The following HEATR5B variants were observed in gnomAD, a reference collection of about 807,000 sequenced individuals.
HEATR5B encodes HEAT repeat-containing protein 5B.
A neutral mutation model predicts 224.1 loss-of-function variants in HEATR5B; 156 were observed. That is an observed-to-expected ratio of 0.70 (90% CI 0.61 to 0.80). HEATR5B has a LOEUF of 0.80. Ranked by LOEUF, HEATR5B falls within the 30% of genes least tolerant of loss-of-function variation. The pLI, the probability that HEATR5B is intolerant of heterozygous loss-of-function variation, is 0.00. For synonymous variants in HEATR5B, 1,027 were observed against 893.0 expected, an observed-to-expected ratio of 1.15 and a Z score of -2.68; for missense variants, 2,323 against 2,535.5, an observed-to-expected ratio of 0.92 and a Z score of 1.80.
Position 37,020,850 on chromosome 2 carries a change from T to C in HEATR5B, c.3854-14A>G. 2 of 1,444,592 alleles carry C rather than the reference T, an allele frequency of 1.4e-6. No individual in the cohort carries two copies. Among genetic ancestry groups the C allele is most frequent in the Non-Finnish European group, 9.2e-7 (1 of 1,087,286 alleles). 89.5% of individuals were successfully genotyped at this position (1,444,592 alleles called of 1,614,324 possible). On this transcript the variant is annotated splice_polypyrimidine_tract_variant and intron_variant, in intron 24 of 35. Transcript: ENST00000233099. The stretch of plus-strand genomic sequence containing the variant: ...CCAAGAGGTCATCTAAAAATAAAAA[T>C]AGAATGCAAAAATGAAAACTTTTCC...
At position 37,005,677 on chromosome 2, in the gene HEATR5B, G is replaced by C. The variant is rs372593782; in HGVS notation, c.4860C>G (p.Thr1620=). 4 of 1,613,078 alleles carry C rather than the reference G, an allele frequency of 2.5e-6. No homozygotes were observed. The African/African-American group carries it at 5.3e-5, about 22-fold the overall frequency. The change falls in exon 30 of 36, where the codon ACC becomes ACG. Residue 1620 remains threonine, a synonymous_variant. Coordinates refer to ENST00000233099, the MANE Select transcript of HEATR5B (RefSeq NM_019024.3). ...HVTACLQALH[T]LLDSPYARVH... is the part of the protein sequence containing the mutation. ...CTCGAGCATAAGGGGAGTCTAGCAA[G>C]GTATGTAAGGCCTGCAGGCATGCTG... is the stretch of plus-strand genomic sequence containing the variant.
At chr2:37,070,599 A>G (rs1242445367) in intron 6 of HEATR5B, among the ~76,000 whole-genome samples, 1 of 152,222 alleles carries the variant, frequency 6.6e-6, no homozygotes, top group Non-Finnish European at 1.5e-5. Context: ...GCTAGAAATA[A>G]AAGCAATTCA....
In HEATR5B at chr2:37,064,894, G is replaced by C; in HGVS notation, c.1430C>G (p.Pro477Arg). The part of the protein sequence containing the change: ...WCLRCVAVAL[P>R]FQLTPFLDRC... ...GTCTAGAAATGGTGTCAGCTGGAAA[G>C]GTAATGCCACAGCCACACAGCGCAA... The change falls in exon 10 of 36, where the codon CCT (proline) becomes CGT (arginine). Residue 477 changes from proline (P) to arginine (R), a missense_variant. Transcript: ENST00000233099. The C allele has an allele frequency of 6.2e-7, 1 of 1,614,164 alleles. No individual in the cohort carries two copies. The highest frequency in any genetic ancestry group is 8.5e-7 in the Non-Finnish European group (1 of 1,180,032).
chr2:37,059,464 A>ATAT lies in HEATR5B; in HGVS notation c.1850-478_1850-477insATA, dbSNP rs1428386666. Among the ~76,000 whole-genome samples the ATAT allele has an allele frequency of 2.1e-3, 140 of 65,832 alleles. 16 individuals carry two copies. In the East Asian group the frequency reaches 0.027, roughly 13 times the overall value. 43.2% of individuals were successfully genotyped at this position (65,832 alleles called of 152,430 possible). ...TGTGTGTGTATATATATATATATAT[A>ATAT]TTTTTTTTTTTTTTTTTTTGAGAGA... On this transcript the variant is annotated intron_variant, in intron 12 of 35. Coordinates refer to ENST00000233099, the MANE Select transcript of HEATR5B (RefSeq NM_019024.3).
At chr2:36,985,104 T>A (rs568790638) in intron 35 of HEATR5B, among the ~76,000 whole-genome samples, 2 of 152,294 alleles carry the variant, frequency 1.3e-5, no homozygotes, top group East Asian at 1.9e-4. Context: ...GTAAATGGGA[T>A]GAAAAAAGTT....
At chr2:37,016,119 T>C (rs1668100854) in intron 26 of HEATR5B, among the ~76,000 whole-genome samples, 1 of 149,798 alleles carries the variant, frequency 6.7e-6, no homozygotes, top group Admixed American at 6.6e-5. Context: ...CTTTCTTTTT[T>C]TTTTTTTTTT....
At chr2:37,066,824 A>G (rs1671618175) in intron 8 of HEATR5B, among the ~76,000 whole-genome samples, 1 of 152,200 alleles carries the variant, frequency 6.6e-6, no homozygotes, top group Non-Finnish European at 1.5e-5. Flanking sequence ...ACTATAAAAT[A>G]CATAATACAG....
At position 37,003,545 on chromosome 2, in the gene HEATR5B, G is replaced by C. The variant is rs1338162602; in HGVS notation, c.5047C>G (p.Leu1683Val). ...TAGTGTAATTTCTAGTGCTTACTTA[G>C]AGTGTTTCTTTTCTCTTGCAAATAA... ...QDYLQEKRNT[L>V]NEDDMEKEAC... is the part of the protein sequence containing the mutation. Residue 1683 changes from leucine to valine, a missense_variant, in exon 31 of 36, where the codon CTA becomes GTA. Coordinates refer to ENST00000233099, the MANE Select transcript of HEATR5B (RefSeq NM_019024.3). The C allele has an allele frequency of 1.3e-6, 2 of 1,598,368 alleles. No individual in the cohort carries two copies. The highest frequency in any genetic ancestry group is 1.7e-6 in the Non-Finnish European group (2 of 1,171,238).
intron 35 of HEATR5B, among the ~76,000 whole-genome samples, chr2:36,983,380 A>C (rs1665713219): frequency 6.6e-6 from 1 of 151,402 alleles, no homozygotes; most frequent in Non-Finnish European, 1.5e-5. Context: ...ATACAAAAAA[A>C]AAAAAAAAAT....
chr2:37,012,681 C>T (rs1052328026), intron 27 of HEATR5B, among the ~76,000 whole-genome samples: 5 of 152,170 alleles, frequency 3.3e-5, no homozygotes, highest in Non-Finnish European at 7.3e-5. Flanking sequence ...TGAGCCACCA[C>T]GCCTGGCCTA....
At chr2:37,062,683 T>C (rs1198787581) in intron 10 of HEATR5B, among the ~76,000 whole-genome samples, 1 of 152,238 alleles carries the variant, frequency 6.6e-6, no homozygotes, top group Non-Finnish European at 1.5e-5. Context: ...TAAAATAAGT[T>C]AATACAGCAT....
intron 10 of HEATR5B, 36 bp downstream of exon 10, chr2:37,064,704 G>C (rs376195979): frequency 6.2e-7 from 1 of 1,607,852 alleles, no homozygotes; most frequent in South Asian, 1.1e-5. Flanking sequence ...CAAAGCCCAC[G>C]TGACAGCATT....
intron 16 of HEATR5B, chr2:37,055,230 G>A: frequency 5.5e-6 from 1 of 180,628 alleles, no homozygotes; most frequent in Non-Finnish European, 1.2e-5. Context: ...CTACAAAAAT[G>A]GACTTTCTAT....
At chr2:36,998,494 C>G (rs1666873998) in intron 33 of HEATR5B, among the ~76,000 whole-genome samples, 1 of 152,190 alleles carries the variant, frequency 6.6e-6, no homozygotes, top group African/African-American at 2.4e-5. Flanking sequence ...CTGGCAATGT[C>G]TGATGACATT....
intron 17 of HEATR5B, among the ~76,000 whole-genome samples, chr2:37,051,891 C>A (rs902402297): frequency 6.6e-6 from 1 of 152,140 alleles, no homozygotes; most frequent in Non-Finnish European, 1.5e-5. Flanking sequence ...AGGCACCTGA[C>A]ACCACGCCTG....
At chr2:37,020,971 A>G in intron 24 of HEATR5B, 135 bp from the exon 25 acceptor site, 1 of 578,384 alleles carries the variant, frequency 1.7e-6, no homozygotes, top group South Asian at 2.6e-5. Context: ...TAGCAAAGAT[A>G]TTATATTCTT....
chr2:37,034,612 C>CAA (rs772823865), intron 21 of HEATR5B, among the ~76,000 whole-genome samples: 846 of 30,572 alleles, frequency 0.028, 89 homozygotes, highest in Middle Eastern at 0.033. Context: ...GACTCTGTCT[C>CAA]AAAAAAAAAA....
rs188222736 is a variant in HEATR5B, at chr2:37,022,883, C to T, written c.3854-2047G>A. Among the ~76,000 whole-genome samples, 16 of 151,794 alleles carry T rather than the reference C, an allele frequency of 1.1e-4. 1 individual carries two copies. The East Asian group carries it at 1.5e-3, about 15-fold the overall frequency. On this transcript the variant is annotated intron_variant, in intron 24 of 35. Coordinates refer to ENST00000233099, the MANE Select transcript of HEATR5B (RefSeq NM_019024.3). The stretch of plus-strand genomic sequence containing the variant: ...ATACATCAAAATCCAGCACTAATAT[C>T]GTAAAATTTACAGGGTCTGACATCT...
chr2:36,990,930 T>TC (rs958113609), intron 33 of HEATR5B, 131 bp from the exon 34 acceptor site: 1 of 677,394 alleles, frequency 1.5e-6, no homozygotes. Flanking sequence ...GCTCAAGTGA[T>TC]CCTCCTGCCT....
Sources: allele counts gnomAD v4.1 joint callset (sites outside exome capture counted in the v4.1 genomes callset), GRCh38; gene constraint gnomAD v4.1.1; transcripts MANE v1.5; gene names NCBI Gene and HGNC (gene_info 2026-07-23, HGNC 2026-07-21).